The following VPS13C variants were observed in gnomAD, a reference collection of about 807,000 sequenced individuals.
VPS13C encodes vacuolar protein sorting 13 homolog C.
In VPS13C, 358 loss-of-function variants were observed where a neutral mutation model predicts 456.8. That is an observed-to-expected ratio of 0.78 (90% CI 0.72 to 0.86). The LOEUF is 0.86. Ranked by LOEUF, VPS13C falls within the 40% of genes least tolerant of loss-of-function variation. The probability of loss-of-function intolerance (pLI) is 0.00; values close to 1 mark genes in which losing one functional copy is unlikely to be tolerated. For synonymous variants in VPS13C, 1,578 were observed against 1,486.7 expected (o/e 1.06, Z -1.41); for missense variants, 4,818 against 4,385.4 (o/e 1.10, Z -2.79).
intron 16 of VPS13C, among the ~76,000 whole-genome samples, chr15:61,998,068 C>T (rs2140446647): frequency 6.6e-6 from 1 of 152,280 alleles, no homozygotes; most frequent in East Asian, 1.9e-4. Flanking sequence ...CATCAACCAC[C>T]ACTCTTCCCT....
At position 61,987,643 on chromosome 15, in the gene VPS13C, C is replaced by T. The variant is rs547807324; in HGVS notation, c.1579-2644G>A. Among the ~76,000 whole-genome samples the T allele has an allele frequency of 1.0e-3, 152 of 152,212 alleles. 1 individual carries two copies. Among genetic ancestry groups the T allele is most frequent in the African/African-American group, 3.3e-3 (136 of 41,540 alleles). ...CTGGGAGAGGACACAAAAACCTAACCGTATAAACATCATTAGTCATTAGGA... is the reference window on the plus strand; with the variant it reads ...CTGGGAGAGGACACAAAAACCTAACTGTATAAACATCATTAGTCATTAGGA... On this transcript the variant is annotated intron_variant, in intron 18 of 84. Coordinates refer to ENST00000644861, the MANE Select transcript of VPS13C (RefSeq NM_020821.3).
intron 24 of VPS13C, 63 bp from the exon 25 acceptor site, chr15:61,974,480 G>A: frequency 2.0e-6 from 3 of 1,530,862 alleles, no homozygotes; most frequent in Non-Finnish European, 1.8e-6. Flanking sequence ...GGAAAGAATT[G>A]CATTAATGTA....
At chr15:62,051,391 T>C (rs2048613275) in intron 1 of VPS13C, among the ~76,000 whole-genome samples, 1 of 152,198 alleles carries the variant, frequency 6.6e-6, no homozygotes, top group Non-Finnish European at 1.5e-5. Flanking sequence ...AGAAACAGGT[T>C]GTATACATTA....
intron 47 of VPS13C, among the ~76,000 whole-genome samples, chr15:61,939,137 C>T (rs2044329331): frequency 6.6e-6 from 1 of 152,154 alleles, no homozygotes; most frequent in South Asian, 2.1e-4. Flanking sequence ...AACAGACATT[C>T]AGGTTTTACT....
chr15:61,947,602 A>C (rs6494300), intron 42 of VPS13C, among the ~76,000 whole-genome samples: 66,477 of 151,766 alleles, frequency 0.44, 14,687 homozygotes, highest in Middle Eastern at 0.64. Context: ...TCTGGGAAAA[A>C]AGAAAACATT....
intron 58 of VPS13C, among the ~76,000 whole-genome samples, chr15:61,918,906 T>C (rs970703083): frequency 1.3e-5 from 2 of 152,110 alleles, no homozygotes; most frequent in Non-Finnish European, 2.9e-5. Flanking sequence ...TATGCCTTCA[T>C]ACATATCTTG....
In VPS13C at chr15:61,890,270, T is replaced by C. The variant is rs769543182; in HGVS notation, c.9236A>G (p.Glu3079Gly). Residue 3079 changes from glutamate to glycine, a missense_variant, in exon 67 of 85, where the codon GAA becomes GGA. Physicochemically the swap from Glu to Gly is moderately conservative, Grantham distance 98. This residue lies in a region of VPS13C where 4,552 missense variants were observed against 4,130.6 expected (regional missense o/e 1.10). Transcript: ENST00000644861. ...ALVSKALQAE[E>G]MEQADYEITL... The stretch of plus-strand genomic sequence containing the variant: ...TATTTCATAATCAGCCTGTTCCATT[T>C]CTTCTGCCTGCAGTGCTTTGGAAAC... 1 of 1,614,112 alleles carries C rather than the reference T, an allele frequency of 6.2e-7. No homozygotes were observed. The highest frequency in any genetic ancestry group is 8.5e-7 in the Non-Finnish European group (1 of 1,180,010).
Position 61,852,809 on chromosome 15 carries a change from C to T in VPS13C, c.*1648G>A, listed in dbSNP as rs1048521312. On this transcript the variant is annotated 3_prime_UTR_variant, in exon 85 of 85. Coordinates refer to ENST00000644861, the MANE Select transcript of VPS13C (RefSeq NM_020821.3). Reference sequence around the variant, plus strand: ...AAAGTAATGACAAACAGAGATCAAACATTTAGGGCATTAGTTACTGCATTC... The same window carrying T: ...AAAGTAATGACAAACAGAGATCAAATATTTAGGGCATTAGTTACTGCATTC... 5 of 152,024 alleles carry T rather than the reference C, an allele frequency of 3.3e-5. No homozygotes were observed. Among genetic ancestry groups the T allele is most frequent in the Non-Finnish European group, 5.9e-5 (4 of 67,988 alleles). 9.4% of individuals were successfully genotyped at this position (152,024 alleles called of 1,614,324 possible). A position where few individuals can be genotyped will look rare whatever the true frequency, so the allele number is the denominator to read the frequency against.
chr15:61,942,084 A>T lies in VPS13C; in HGVS notation c.5149-17T>A. 1 of 1,530,954 alleles carries T rather than the reference A, an allele frequency of 6.5e-7. No homozygotes were observed. Among genetic ancestry groups the T allele is most frequent in the Non-Finnish European group, 8.8e-7 (1 of 1,138,198 alleles). 94.8% of individuals were successfully genotyped at this position (1,530,954 alleles called of 1,614,324 possible). On this transcript the variant is annotated splice_polypyrimidine_tract_variant and intron_variant, in intron 45 of 84. Coordinates refer to ENST00000644861, the MANE Select transcript of VPS13C (RefSeq NM_020821.3). Reference sequence around the variant, plus strand: ...GAGGAAGTTCTGTTGGAAGAGACAGATATTTAGGGGAAAAAAGGCATTTAT... The same window carrying T: ...GAGGAAGTTCTGTTGGAAGAGACAGTTATTTAGGGGAAAAAAGGCATTTAT...
At chr15:62,000,118 T>C (rs1327186151) in intron 16 of VPS13C, among the ~76,000 whole-genome samples, 1 of 152,092 alleles carries the variant, frequency 6.6e-6, no homozygotes, top group Admixed American at 6.6e-5. Flanking sequence ...TCCCAGCACT[T>C]TGAGAGGCCG....
chr15:61,983,007 A>G (rs745575209), intron 20 of VPS13C, among the ~76,000 whole-genome samples: 1 of 152,216 alleles, frequency 6.6e-6, no homozygotes, highest in African/African-American at 2.4e-5. Flanking sequence ...AGATTTTCCA[A>G]GATGAAAACA....
intron 6 of VPS13C, among the ~76,000 whole-genome samples, chr15:62,025,661 A>G (rs1403166530): frequency 6.6e-6 from 1 of 152,084 alleles, no homozygotes; most frequent in Non-Finnish European, 1.5e-5. Flanking sequence ...AAACCTCTCT[A>G]AACAGTTTAA....
chr15:61,892,637 A>G (rs1351471723), intron 66 of VPS13C, among the ~76,000 whole-genome samples: 1 of 152,042 alleles, frequency 6.6e-6, no homozygotes, highest in African/African-American at 2.4e-5. Flanking sequence ...GGCCTCCCCA[A>G]ACAGACAAAG....
chr15:61,987,374 G>T (rs967881994), intron 18 of VPS13C, among the ~76,000 whole-genome samples: 1 of 152,276 alleles, frequency 6.6e-6, no homozygotes, highest in South Asian at 2.1e-4. Context: ...GTTCCACACG[G>T]CTGGGGAGGC....
At chr15:62,055,185 A>G (rs1390234852) in intron 1 of VPS13C, among the ~76,000 whole-genome samples, 2 of 152,128 alleles carry the variant, frequency 1.3e-5, no homozygotes, top group Non-Finnish European at 2.9e-5. Flanking sequence ...CATCTAAAGT[A>G]TACTTCCTGA....
At chr15:61,996,945 A>G (rs1037474507) in intron 16 of VPS13C, among the ~76,000 whole-genome samples, 1 of 150,406 alleles carries the variant, frequency 6.6e-6, no homozygotes, top group African/African-American at 2.5e-5. Context: ...ATGAATACAT[A>G]TATCTTATAC....
Position 61,856,355 on chromosome 15 carries a change from C to G in VPS13C, c.11007G>C (p.Trp3669Cys). The change falls in exon 83 of 85, where the codon TGG (tryptophan) becomes TGC (cysteine). Residue 3669 changes from tryptophan to cysteine, a missense_variant. This residue lies in a region of VPS13C where 261 missense variants were observed against 234.1 expected (regional missense o/e 1.11). Coordinates refer to ENST00000644861, the MANE Select transcript of VPS13C (RefSeq NM_020821.3). ...ATACAAAATCTTCAAATGGACATTG[C>G]CAGTCTACACACATAAGGCCCAGGA... ...VEILGLMCVD[W>C]QCPFEDFVFP... The G allele has an allele frequency of 1.9e-6, 3 of 1,613,178 alleles. No individual in the cohort carries two copies. The highest frequency in any genetic ancestry group is 2.5e-6 in the Non-Finnish European group (3 of 1,179,542).
At chr15:61,941,295 G>A (rs377217366) in intron 46 of VPS13C, among the ~76,000 whole-genome samples, 2 of 152,040 alleles carry the variant, frequency 1.3e-5, no homozygotes, top group Admixed American at 6.5e-5. Flanking sequence ...CCAAATAAAC[G>A]CTCTTGTCAC....
intron 12 of VPS13C, 105 bp downstream of exon 12, chr15:62,012,002 T>G: frequency 1.4e-6 from 1 of 696,552 alleles, no homozygotes; most frequent in South Asian, 1.7e-5. Flanking sequence ...GGTATAAAAT[T>G]AATATACTTT....
Sources: gnomAD v4.1 joint callset for allele counts (sites outside exome capture counted in the v4.1 genomes callset) on GRCh38, gnomAD v4.1.1 for gene constraint, gnomAD v4.1.1 regional missense constraint, MANE v1.5 for transcripts, NCBI Gene and HGNC (gene_info 2026-07-23, HGNC 2026-07-21) for gene names.